Variants in UBR4 observed in about 807,000 individuals in gnomAD.
UBR4 encodes E3 ubiquitin-protein ligase UBR4.
Under a neutral mutation model 575.6 loss-of-function variants are expected in UBR4, and 124 were observed. The observed-to-expected ratio is 0.22, with a 90% CI of 0.19 to 0.25. The LOEUF is 0.25. UBR4 is among the 10% of genes least tolerant of loss of function. The pLI is 1.00. For synonymous variants in UBR4, 2,455 were observed against 2,473.7 expected, an observed-to-expected ratio of 0.99 and a Z score of 0.22; for missense variants, 4,818 against 6,478.8, an observed-to-expected ratio of 0.74 and a Z score of 8.80.
At chr1:19,146,366 A>G (rs2084870409) in intron 52 of UBR4, among the ~76,000 whole-genome samples, 1 of 152,228 alleles carries the variant, frequency 6.6e-6, no homozygotes. Context: ...CAATTTGACA[A>G]TGACAAAACA....
intron 57 of UBR4, 108 bp downstream of exon 57, chr1:19,141,239 C>T (rs1300162323): frequency 2.8e-6 from 4 of 1,453,992 alleles, no homozygotes; most frequent in Non-Finnish European, 3.8e-6. Flanking sequence ...AGATCAACCT[C>T]TCCCCATATC....
chr1:19,160,150 G>A lies in UBR4; in HGVS notation c.5538C>T (p.His1846=). The A allele has an allele frequency of 6.2e-7, 1 of 1,613,934 alleles. No individual in the cohort carries two copies. The highest frequency in any genetic ancestry group is 8.5e-7 in the Non-Finnish European group (1 of 1,179,980). ...TCATCTCCACTGCCTTCTCCACAGT[G>A]TGTAGCTCACTGAGGGCTTGCTGAG... The part of the protein sequence containing the change: ...SRAQQALSEL[H]TVEKAVEMTD... Residue 1846 remains histidine (H), a synonymous_variant, in exon 39 of 106, where the codon CAC becomes CAT. Transcript: ENST00000375254.
chr1:19,160,058 A>G (rs970506702), intron 39 of UBR4, 53 bp downstream of exon 39: 2 of 1,584,890 alleles, frequency 1.3e-6, no homozygotes, highest in African/African-American at 1.4e-5. Context: ...TGGGATCTCA[A>G]TAAATTTGTT....
Position 19,139,347 on chromosome 1 carries a change from TTATA to T in UBR4, c.8594-131_8594-128del. 1 of 1,213,212 alleles carries T rather than the reference TTATA, an allele frequency of 8.2e-7. No homozygotes were observed. The highest frequency in any genetic ancestry group is 1.1e-6 in the Non-Finnish European group (1 of 935,762). The allele number at this position is 1,213,212 out of a possible 1,614,324, so 75.2% of individuals were successfully genotyped here. A position where few individuals can be genotyped will look rare whatever the true frequency, so the allele number is the denominator to read the frequency against. ...CATAGTGCATAGGACACAATGCAGTTTATATATCCTGTCGTCAAAGAAAAAAGGG... is the reference window on the plus strand; with the variant it reads ...CATAGTGCATAGGACACAATGCAGTTTATCCTGTCGTCAAAGAAAAAAGGG... On this transcript the variant is annotated intron_variant, in intron 58 of 105. Transcript: ENST00000375254. This position sits in a 1 kb window ranked among gnomAD's most constrained non-coding sequence, Gnocchi z 4.2.
In UBR4 at chr1:19,126,725, T is replaced by C; in HGVS notation, c.9229-70A>G. The C allele has an allele frequency of 5.2e-6, 8 of 1,531,186 alleles. No homozygotes were observed. The South Asian group carries it at 8.1e-5, about 15-fold the overall frequency. The allele number at this position is 1,531,186 out of a possible 1,614,324, so 94.8% of individuals were successfully genotyped here. On this transcript the variant is annotated intron_variant, in intron 63 of 105. Transcript: ENST00000375254. ...AAACAATGTGAAATCCAGGTGGGTG[T>C]TGGGGATGGGAAACACACTCACAAC...
intron 1 of UBR4, among the ~76,000 whole-genome samples, chr1:19,205,026 T>C (rs2092937643): frequency 6.6e-6 from 1 of 151,922 alleles, no homozygotes; most frequent in South Asian, 2.1e-4. Flanking sequence ...GGAAGGAAAA[T>C]AAAGAGATAG....
At chr1:19,113,034 A>G (rs1489209928) in intron 77 of UBR4, 167 bp from the exon 78 acceptor site, 2 of 717,302 alleles carry the variant, frequency 2.8e-6, no homozygotes, top group Admixed American at 3.5e-5. Flanking sequence ...ACAGAGAAGG[A>G]AACTGAAGCT....
chr1:19,138,319 TA>T, intron 59 of UBR4, 138 bp from the exon 60 acceptor site: 2 of 895,574 alleles, frequency 2.2e-6, no homozygotes. Flanking sequence ...GTCTTATATG[TA>T]AAGCTAAGTA....
intron 1 of UBR4, 130 bp downstream of exon 1, chr1:19,209,943 C>T (rs560640386): frequency 1.3e-4 from 169 of 1,339,914 alleles, no homozygotes; most frequent in Non-Finnish European, 1.6e-4. Flanking sequence ...GGGCCCGGGA[C>T]CCCGAAGCCG....
intron 34 of UBR4, among the ~76,000 whole-genome samples, chr1:19,163,016 AG>A (rs1337942360): frequency 2.3e-4 from 35 of 152,336 alleles, no homozygotes; most frequent in African/African-American, 7.9e-4. Flanking sequence ...TTTAATTATC[AG>A]GCTTTAAAGT....
chr1:19,154,473 C>T (rs2086171719), intron 44 of UBR4, among the ~76,000 whole-genome samples: 1 of 152,166 alleles, frequency 6.6e-6, no homozygotes, highest in South Asian at 2.1e-4. Context: ...TATTTGCAAA[C>T]TTGTTGAAAG....
chr1:19,130,569 T>C (rs1353906898), intron 60 of UBR4, among the ~76,000 whole-genome samples: 7 of 152,204 alleles, frequency 4.6e-5, no homozygotes, highest in African/African-American at 9.6e-5. Context: ...TTATAAATTA[T>C]TGTCATTCTA....
chr1:19,201,278 T>G (rs934585659), intron 2 of UBR4, among the ~76,000 whole-genome samples: 2 of 152,158 alleles, frequency 1.3e-5, no homozygotes, highest in African/African-American at 4.8e-5. Flanking sequence ...AGAACTGAAG[T>G]TGAAATCCCT....
rs374894323 is a variant in UBR4 at position 19,173,265 on chromosome 1, G to T, written c.3207C>A (p.Ser1069Arg). The change falls in exon 24 of 106, where the codon AGC becomes AGA. Residue 1069 changes from serine to arginine, a missense_variant. By Grantham distance (110) the Ser-to-Arg change is moderately radical (BLOSUM62 -1). Transcript: ENST00000375254. Reference protein sequence around the residue: ...IKQGMKAEHASSLLELASTTK... With the variant: ...IKQGMKAEHARSLLELASTTK... ...TGGTGGATGCCAGTTCTAGAAGCGAGCTAGCATGCTCAGCCTTCATTCCCT... is the reference window on the plus strand; with the variant it reads ...TGGTGGATGCCAGTTCTAGAAGCGATCTAGCATGCTCAGCCTTCATTCCCT... 1.2e-6 allele frequency: 2 copies of T among 1,614,084 alleles called. No individual in the cohort carries two copies. The highest frequency in any genetic ancestry group is 2.7e-5 in the African/African-American group (2 of 74,928).
chr1:19,124,464 G>A, intron 65 of UBR4, 77 bp downstream of exon 65: 1 of 1,560,614 alleles, frequency 6.4e-7, no homozygotes, highest in Non-Finnish European at 8.7e-7. Flanking sequence ...GTAAGGATGA[G>A]GAAGAAAGGG....
Position 19,087,940 on chromosome 1 carries a change from AC to A in UBR4, c.14431-12del, listed in dbSNP as rs1570286035. Reference sequence around the variant, plus strand: ...GCCCTTTTCATTTGTCTGTAGGGGAACCCCGGTGGCATGTCAAGGGGATTTC... The same window carrying A: ...GCCCTTTTCATTTGTCTGTAGGGGAACCCGGTGGCATGTCAAGGGGATTTC... On this transcript the variant is annotated splice_polypyrimidine_tract_variant and intron_variant, in intron 98 of 105. Coordinates refer to ENST00000375254, the MANE Select transcript of UBR4 (RefSeq NM_020765.3). The A allele has an allele frequency of 6.3e-7, 1 of 1,590,900 alleles. No individual in the cohort carries two copies. The highest frequency in any genetic ancestry group is 8.6e-7 in the Non-Finnish European group (1 of 1,164,806).
chr1:19,084,945 T>G (rs559153465), intron 101 of UBR4, among the ~76,000 whole-genome samples: 20 of 152,302 alleles, frequency 1.3e-4, no homozygotes, highest in Non-Finnish European at 2.4e-4. Context: ...CCCACCACTC[T>G]TGGGCGCCCA....
intron 49 of UBR4, chr1:19,149,861 A>T: frequency 1.3e-5 from 16 of 1,246,978 alleles, no homozygotes; most frequent in Non-Finnish European, 1.7e-5. Context: ...ACCCGGAAAC[A>T]CATCCTAAGC....
intron 33 of UBR4, 98 bp downstream of exon 33, chr1:19,164,155 G>A: frequency 7.2e-7 from 1 of 1,389,986 alleles, no homozygotes; most frequent in East Asian, 2.4e-5. Context: ...AAAGGGTAGA[G>A]ATTCAAATTT....
Sources: gnomAD v4.1 joint callset for allele counts (sites outside exome capture counted in the v4.1 genomes callset) on GRCh38, gnomAD v4.1.1 for gene constraint, Gnocchi (gnomAD v3.1) non-coding constraint, MANE v1.5 for transcripts, NCBI Gene and HGNC (gene_info 2026-07-23, HGNC 2026-07-21) for gene names.